The following MAF variants were observed in gnomAD, a reference collection of about 807,000 sequenced individuals.
The protein encoded by MAF is transcription factor Maf.
Under a neutral mutation model 22.0 loss-of-function variants are expected in MAF, and 10 were observed. The ratio of observed to expected loss-of-function variants is 0.45; its 90% confidence interval spans 0.28 to 0.77. MAF has a LOEUF of 0.77. Ranked by LOEUF, MAF falls within the 30% of genes least tolerant of loss-of-function variation. The probability of loss-of-function intolerance (pLI) is 0.12; values close to 1 mark genes in which losing one functional copy is unlikely to be tolerated. For synonymous variants in MAF, 337 were observed against 255.8 expected (o/e 1.32, Z -3.03); for missense variants, 544 against 548.4 (o/e 0.99, Z 0.08).
the MAF span, among the ~76,000 whole-genome samples, chr16:79,437,626 C>T: frequency 2.6e-5 from 4 of 152,078 alleles, no homozygotes; most frequent in African/African-American, 9.7e-5. Flanking sequence ...GAAAGGACAC[C>T]TCCGAGAGCT....
the MAF span, among the ~76,000 whole-genome samples, chr16:79,478,356 C>T: frequency 6.6e-6 from 1 of 152,178 alleles, no homozygotes; most frequent in African/African-American, 2.4e-5. Flanking sequence ...GCTCAGGAAG[C>T]TGCTCAAGGT....
the MAF span, chr16:79,204,267 C>A: frequency 1.3e-5 from 2 of 152,092 alleles, no homozygotes; most frequent in Non-Finnish European, 2.9e-5. Context: ...TCAACAATAC[C>A]TTCTCTTAGT....
At chr16:79,468,976 T>C in the MAF span, among the ~76,000 whole-genome samples, 4 of 152,244 alleles carry the variant, frequency 2.6e-5, no homozygotes, top group Admixed American at 6.5e-5. Flanking sequence ...TAAAGAGTGA[T>C]GTTGTTTGAC....
the MAF span, among the ~76,000 whole-genome samples, chr16:79,561,795 A>AGGAGAC: frequency 6.6e-6 from 1 of 152,210 alleles, no homozygotes; most frequent in East Asian, 1.9e-4. Context: ...CTGAGAAGAG[A>AGGAGAC]GGAGACGGTG....
chr16:79,229,816 G>C, the MAF span, among the ~76,000 whole-genome samples: 1 of 152,054 alleles, frequency 6.6e-6, no homozygotes. Flanking sequence ...TAACCTAGTG[G>C]TGAGAGGGTC....
the MAF span, among the ~76,000 whole-genome samples, chr16:79,465,866 A>G: frequency 1.3e-5 from 2 of 152,200 alleles, no homozygotes; most frequent in Non-Finnish European, 2.9e-5. Flanking sequence ...CCCTTGGGAA[A>G]AGTGCCTAAT....
At chr16:79,382,697 G>A in the MAF span, among the ~76,000 whole-genome samples, 15,661 of 152,248 alleles carry the variant, frequency 0.1, 1,138 homozygotes, top group Middle Eastern at 0.18. Context: ...TCTGTAAGCT[G>A]CATTTGACCT....
At chr16:79,434,985 C>A in the MAF span, among the ~76,000 whole-genome samples, 542 of 152,168 alleles carry the variant, frequency 3.6e-3, 2 homozygotes, top group Non-Finnish European at 4.3e-3. Context: ...GGGCCCAGAT[C>A]CGGCTGCTTA....
chr16:79,282,606 A>T, the MAF span, among the ~76,000 whole-genome samples: 1 of 152,198 alleles, frequency 6.6e-6, no homozygotes, highest in Non-Finnish European at 1.5e-5. Context: ...GAATGAACTC[A>T]ACTCTCTTTA....
chr16:79,248,668 A>G, the MAF span, among the ~76,000 whole-genome samples: 5 of 152,130 alleles, frequency 3.3e-5, no homozygotes, highest in African/African-American at 4.8e-5. Flanking sequence ...TCAGTAGGGT[A>G]TCTTGCACTG....
chr16:79,441,068 A>T, the MAF span, among the ~76,000 whole-genome samples: 1 of 152,252 alleles, frequency 6.6e-6, no homozygotes, highest in East Asian at 1.9e-4. Context: ...ATATCTTATC[A>T]GAATGACATG....
At chr16:79,390,738 G>T in the MAF span, among the ~76,000 whole-genome samples, 19 of 152,342 alleles carry the variant, frequency 1.2e-4, no homozygotes, top group African/African-American at 4.1e-4. Context: ...AGATCTGAGA[G>T]ATAAGATATG....
the MAF span, among the ~76,000 whole-genome samples, chr16:79,339,003 G>C: frequency 6.6e-6 from 1 of 152,088 alleles, no homozygotes; most frequent in Admixed American, 6.6e-5. Flanking sequence ...CAAGGAAGGT[G>C]AATGTAATGT....
the MAF span, among the ~76,000 whole-genome samples, chr16:79,476,125 G>T: frequency 6.6e-6 from 1 of 152,102 alleles, no homozygotes; most frequent in African/African-American, 2.4e-5. Flanking sequence ...TCTCTTGCTG[G>T]CCTCAAAGAA....
chr16:79,245,913 T>C, the MAF span, among the ~76,000 whole-genome samples: 1 of 152,092 alleles, frequency 6.6e-6, no homozygotes, highest in Middle Eastern at 3.4e-3. Flanking sequence ...TGCAGGGACA[T>C]GGATGAAGCT....
the MAF span, among the ~76,000 whole-genome samples, chr16:79,509,236 A>G: frequency 7.2e-5 from 11 of 152,252 alleles, no homozygotes; most frequent in Middle Eastern, 6.8e-3. Context: ...TAAAAATAGG[A>G]CTTCTCTTTG....
At chr16:79,494,383 C>A in the MAF span, among the ~76,000 whole-genome samples, 1 of 152,130 alleles carries the variant, frequency 6.6e-6, no homozygotes, top group East Asian at 1.9e-4. Context: ...GCTCTCACCT[C>A]CCAGAGGCCT....
chr16:79,226,765 G>T, the MAF span, among the ~76,000 whole-genome samples: 2 of 151,964 alleles, frequency 1.3e-5, no homozygotes, highest in East Asian at 3.9e-4. Context: ...TATGATAAAG[G>T]TATGCTCTAA....
the MAF span, among the ~76,000 whole-genome samples, chr16:79,223,486 A>G: frequency 6.6e-6 from 1 of 152,242 alleles, no homozygotes; most frequent in African/African-American, 2.4e-5. Flanking sequence ...TTCCAAAGTT[A>G]GCAAAAGACA....
Sources: allele counts gnomAD v4.1 joint callset (sites outside exome capture counted in the v4.1 genomes callset), GRCh38; gene constraint gnomAD v4.1.1; transcripts MANE v1.5; gene names NCBI Gene and HGNC (gene_info 2026-07-23, HGNC 2026-07-21).